COL9A3: variants seen among roughly 807,000 people sequenced by gnomAD.
COL9A3 encodes the protein collagen alpha-3(IX) chain.
COL9A3 carries 82 observed loss-of-function variants against 110.2 expected under a neutral mutation model. The observed-to-expected ratio is 0.74, with a 90% CI of 0.62 to 0.89. COL9A3 has a LOEUF of 0.89. Among genes scored for constraint, COL9A3 ranks in the 40% least tolerant of loss-of-function variants. The probability of loss-of-function intolerance (pLI) is 0.00; values close to 1 mark genes in which losing one functional copy is unlikely to be tolerated. For synonymous variants in COL9A3, 494 were observed against 403.8 expected (o/e 1.22, Z -2.68); for missense variants, 1,066 against 981.3 (o/e 1.09, Z -1.15).
chr20:62,822,285 C>T lies in COL9A3; in HGVS notation c.477+121C>T, dbSNP rs74600083. 1.0e-5 allele frequency: 8 copies of T among 763,470 alleles called. No homozygotes were observed. The African/African-American group carries it at 1.2e-4, about 11-fold the overall frequency. The allele number at this position is 763,470 out of a possible 1,614,324, so 47.3% of individuals were successfully genotyped here. Reference sequence around the variant, plus strand: ...CCGAGATCTCCTAACCCTAACTTGGCCACTCCCAGGAACAGTCAATGGTGG... The same window carrying T: ...CCGAGATCTCCTAACCCTAACTTGGTCACTCCCAGGAACAGTCAATGGTGG... On this transcript the variant is annotated intron_variant, in intron 9 of 31. Coordinates refer to ENST00000649368, the MANE Select transcript of COL9A3 (RefSeq NM_001853.4).
chr20:62,835,500 A>C (rs749369728), intron 26 of COL9A3, among the ~76,000 whole-genome samples: 1 of 152,180 alleles, frequency 6.6e-6, no homozygotes, highest in Non-Finnish European at 1.5e-5. Flanking sequence ...CAATTGCAGC[A>C]TGTGTTTTGG....
intron 10 of COL9A3, among the ~76,000 whole-genome samples, chr20:62,824,170 A>T (rs55886753): frequency 2.0e-5 from 2 of 101,738 alleles, no homozygotes; most frequent in African/African-American, 3.6e-5. Flanking sequence ...CCTGTCACCC[A>T]GAGTGTCCCG....
At chr20:62,823,621 AGT>A (rs1358952226) in intron 10 of COL9A3, among the ~76,000 whole-genome samples, 2 of 152,180 alleles carry the variant, frequency 1.3e-5, no homozygotes. Context: ...TCGTGGGCTG[AGT>A]GGGGCAGGGG....
intron 8 of COL9A3, 72 bp from the exon 9 acceptor site, chr20:62,822,039 C>T: frequency 1.0e-6 from 1 of 969,436 alleles, no homozygotes; most frequent in Non-Finnish European, 1.7e-6. Flanking sequence ...TGTCCACCTC[C>T]CTGGGAGAAG....
At chr20:62,817,170 T>C (rs1478277805) in intron 1 of COL9A3, 28 bp downstream of exon 1, 3 of 1,361,888 alleles carry the variant, frequency 2.2e-6, no homozygotes, top group Non-Finnish European at 2.9e-6. Context: ...GCTCTGAGGC[T>C]GGACGTGGAG....
chr20:62,836,721 T>C lies in COL9A3; in HGVS notation c.1603+189T>C, dbSNP rs2063639833. 3 of 662,488 alleles carry C rather than the reference T, an allele frequency of 4.5e-6. No individual in the cohort carries two copies. In the East Asian group the frequency reaches 8.1e-5, roughly 18 times the overall value. The allele number at this position is 662,488 out of a possible 1,614,324, so 41.0% of individuals were successfully genotyped here. A position where few individuals can be genotyped will look rare whatever the true frequency, so the allele number is the denominator to read the frequency against. ...TCTGCCTGTCCTCTGCGCTAGAGGA[T>C]GGCCCACGCTCCCGCCCCGGATTCA... On this transcript the variant is annotated intron_variant, in intron 29 of 31. Coordinates refer to ENST00000649368, the MANE Select transcript of COL9A3 (RefSeq NM_001853.4).
chr20:62,820,502 C>T (rs1356740369), intron 5 of COL9A3, among the ~76,000 whole-genome samples: 2 of 152,190 alleles, frequency 1.3e-5, no homozygotes, highest in Non-Finnish European at 2.9e-5. Flanking sequence ...GCCACTGGCC[C>T]CAGGCGCAAA....
chr20:62,837,404 G>A (rs2063645504), intron 30 of COL9A3, 139 bp downstream of exon 30: 3 of 842,794 alleles, frequency 3.6e-6, no homozygotes, highest in Admixed American at 2.3e-5. Context: ...ATGTTTTGGG[G>A]CCTAGCGCAG....
chr20:62,824,941 G>C (rs1242354545), intron 11 of COL9A3, 27 bp from the exon 12 acceptor site: 1 of 1,602,720 alleles, frequency 6.2e-7, no homozygotes, highest in African/African-American at 1.3e-5. Flanking sequence ...GGTCTGGGTG[G>C]GGCAGTGACC....
intron 1 of COL9A3, 37 bp from the exon 2 acceptor site, chr20:62,817,530 G>C: frequency 1.4e-6 from 2 of 1,450,012 alleles, no homozygotes; most frequent in Non-Finnish European, 1.9e-6. Flanking sequence ...GGCCCACGGG[G>C]GCACCTGCGC....
At position 62,825,808 on chromosome 20, in the gene COL9A3, C is replaced by G; in HGVS notation, c.631-9C>G. On this transcript the variant is annotated splice_polypyrimidine_tract_variant and intron_variant, in intron 12 of 31. Coordinates refer to ENST00000649368, the MANE Select transcript of COL9A3 (RefSeq NM_001853.4). ...TGGGCCGCTGACCACCCTATCCCCT[C>G]TGTTTCAGGGTGACCCTGGCCCCCC... is the stretch of plus-strand genomic sequence containing the variant. 6.4e-7 allele frequency: 1 copy of G among 1,552,766 alleles called. No homozygotes were observed. Among genetic ancestry groups the G allele is most frequent in the Non-Finnish European group, 8.7e-7 (1 of 1,147,916 alleles).
upstream of COL9A3, chr20:62,816,931 C>A (rs534926821): frequency 7.3e-4 from 296 of 405,842 alleles, no homozygotes; most frequent in African/African-American, 5.6e-3. Context: ...GCCCCCCCGC[C>A]CAGGTGGGCC....
At chr20:62,817,917 G>T (rs1478880381) in intron 2 of COL9A3, 1 of 545,390 alleles carries the variant, frequency 1.8e-6, no homozygotes. Flanking sequence ...TGTGTTCGGG[G>T]TTCTGGCCTC....
At chr20:62,832,818 T>A in intron 25 of COL9A3, 1 of 555,488 alleles carries the variant, frequency 1.8e-6, no homozygotes, top group East Asian at 3.0e-5. Flanking sequence ...ATGTCTTCCG[T>A]TTTTTGGCCC....
chr20:62,821,391 G>C, intron 6 of COL9A3, 116 bp from the exon 7 acceptor site: 4 of 1,452,734 alleles, frequency 2.8e-6, no homozygotes, highest in South Asian at 1.2e-5. Context: ...GCTGGGACCA[G>C]ACACCCATCC....
chr20:62,835,862 C>G (rs377250602), intron 26 of COL9A3, 59 bp from the exon 27 acceptor site: 1 of 1,578,538 alleles, frequency 6.3e-7, no homozygotes, highest in South Asian at 1.1e-5. Flanking sequence ...CCTCAACTGG[C>G]TACTTCCCAC....
chr20:62,839,702 CT>C (rs2063660484), intron 31 of COL9A3, among the ~76,000 whole-genome samples: 1 of 112,422 alleles, frequency 8.9e-6, no homozygotes, highest in African/African-American at 4.0e-5. Context: ...CCCTGGAGCC[CT>C]CTCCTCTCCT....
chr20:62,821,769 G>A lies in COL9A3; in HGVS notation c.382G>A (p.Val128Met), dbSNP rs1293210299. The change falls in exon 8 of 32, where the codon GTG (valine) becomes ATG (methionine). Residue 128 changes from valine to methionine, a missense_variant. By Grantham distance (21) the Val-to-Met change is conservative. Coordinates refer to ENST00000649368, the MANE Select transcript of COL9A3 (RefSeq NM_001853.4). ...GLPGPPGEAG[V>M]SGPPGGIGLR... ...TACTTCCCTCCAGGGAGAGGCAGGA[G>A]TGAGCGGCCCCCCAGGTGGGATCGG... 1.9e-6 allele frequency: 3 copies of A among 1,610,680 alleles called. No individual in the cohort carries two copies. The highest frequency in any genetic ancestry group is 1.1e-5 in the South Asian group (1 of 90,704).
chr20:62,818,463 G>C (rs1248541063), intron 2 of COL9A3, 55 bp from the exon 3 acceptor site: 6 of 1,549,202 alleles, frequency 3.9e-6, no homozygotes, highest in Non-Finnish European at 5.3e-6. Flanking sequence ...CCCGAGGCGG[G>C]GTTCTTGAGG....
Sources: allele counts gnomAD v4.1 joint callset (sites outside exome capture counted in the v4.1 genomes callset), GRCh38; gene constraint gnomAD v4.1.1; transcripts MANE v1.5; gene names NCBI Gene and HGNC (gene_info 2026-07-23, HGNC 2026-07-21).